The following LRMDA variants were observed in gnomAD, a reference collection of about 807,000 sequenced individuals.
LRMDA encodes leucine rich melanocyte differentiation associated.
LRMDA carries 18 observed loss-of-function variants against 29.8 expected under a neutral mutation model. The observed-to-expected ratio is 0.60, with a 90% CI of 0.42 to 0.90. LRMDA has a LOEUF of 0.90. Ranked by LOEUF, LRMDA falls within the 40% of genes least tolerant of loss-of-function variation. LRMDA has a pLI of 0.00. For missense variants in LRMDA, 273 were observed against 273.9 expected (o/e 1.00, Z 0.02); for synonymous variants, 125 against 109.4 (o/e 1.14, Z -0.89).
At chr10:76,122,730 A>AG (rs1564658598) in intron 5 of LRMDA, among the ~76,000 whole-genome samples, 2 of 152,142 alleles carry the variant, frequency 1.3e-5, no homozygotes, top group Admixed American at 1.3e-4. Context: ...AAAATGAGGG[A>AG]TGGAGATGAA....
chr10:76,013,183 G>T (rs1847815107), intron 2 of LRMDA, among the ~76,000 whole-genome samples: 1 of 152,168 alleles, frequency 6.6e-6, no homozygotes, highest in Admixed American at 6.5e-5. Flanking sequence ...AAAGGAGTGA[G>T]GGGGGTGGTA....
At chr10:76,006,633 A>G (rs1035494884) in intron 2 of LRMDA, among the ~76,000 whole-genome samples, 1 of 152,198 alleles carries the variant, frequency 6.6e-6, no homozygotes, top group African/African-American at 2.4e-5. Context: ...TCGAAAGGCC[A>G]AAACCTGAAT....
intron 2 of LRMDA, among the ~76,000 whole-genome samples, chr10:75,445,296 TG>T (rs1345823401): frequency 1.7e-4 from 26 of 151,926 alleles, no homozygotes; most frequent in Non-Finnish European, 1.5e-5. Flanking sequence ...ACATTTAGTT[TG>T]TTTTTTTTTT....
chr10:75,502,620 G>C (rs1006877430), intron 2 of LRMDA, among the ~76,000 whole-genome samples: 14 of 152,282 alleles, frequency 9.2e-5, no homozygotes, highest in African/African-American at 3.4e-4. Flanking sequence ...CTCAGGGCCT[G>C]GTTGGCCCTT....
intron 2 of LRMDA, among the ~76,000 whole-genome samples, chr10:75,553,744 G>C (rs1335710881): frequency 6.6e-6 from 1 of 152,070 alleles, no homozygotes; most frequent in Admixed American, 6.5e-5. Flanking sequence ...TTCCTCCTTA[G>C]TGGCTTATGA....
chr10:76,316,025 TCA>T (rs753752575), intron 5 of LRMDA, among the ~76,000 whole-genome samples: 13 of 152,128 alleles, frequency 8.5e-5, no homozygotes, highest in Non-Finnish European at 1.9e-4. Flanking sequence ...TCCACGTACC[TCA>T]TTCTTCCTGG....
intron 5 of LRMDA, among the ~76,000 whole-genome samples, chr10:76,311,715 A>G (rs1031240176): frequency 6.6e-6 from 1 of 152,180 alleles, no homozygotes; most frequent in Non-Finnish European, 1.5e-5. Context: ...TAAGCCTGCA[A>G]AGATCAGGCC....
chr10:76,088,504 G>A (rs1318655751), intron 5 of LRMDA, among the ~76,000 whole-genome samples: 2 of 152,198 alleles, frequency 1.3e-5, no homozygotes, highest in Non-Finnish European at 2.9e-5. Context: ...AAGGCCCCAA[G>A]GGAAAGAAAT....
At chr10:75,471,640 A>G (rs1325949925) in intron 2 of LRMDA, among the ~76,000 whole-genome samples, 2 of 152,212 alleles carry the variant, frequency 1.3e-5, no homozygotes, top group Non-Finnish European at 2.9e-5. Context: ...TATCAAAAGC[A>G]TTTCACTGTG....
At chr10:75,579,296 C>G (rs58067406) in intron 2 of LRMDA, among the ~76,000 whole-genome samples, 10 of 152,212 alleles carry the variant, frequency 6.6e-5, no homozygotes, top group African/African-American at 2.4e-4. Flanking sequence ...ACAAACACCT[C>G]TATGCAAATA....
intron 6 of LRMDA, among the ~76,000 whole-genome samples, chr10:76,373,395 TA>T (rs1393849273): frequency 2.0e-5 from 3 of 152,108 alleles, no homozygotes; most frequent in Admixed American, 1.3e-4. Flanking sequence ...GATAAGATTA[TA>T]ATAATATTTA....
intron 5 of LRMDA, among the ~76,000 whole-genome samples, chr10:76,277,875 A>G (rs1840155593): frequency 1.3e-5 from 2 of 152,150 alleles, no homozygotes; most frequent in Admixed American, 6.5e-5. Context: ...CTCTCATCTG[A>G]CATTCTGTTA....
chr10:75,951,986 T>A (rs568500203), intron 2 of LRMDA, among the ~76,000 whole-genome samples: 30 of 152,300 alleles, frequency 2.0e-4, no homozygotes, highest in African/African-American at 6.5e-4. Context: ...TTTAATAAAA[T>A]GCAGTATGTC....
intron 2 of LRMDA, among the ~76,000 whole-genome samples, chr10:75,557,774 C>T (rs893930750): frequency 2.6e-5 from 4 of 152,172 alleles, no homozygotes; most frequent in Non-Finnish European, 5.9e-5. Flanking sequence ...CCTCTGTTTT[C>T]GCTAAGCTCT....
chr10:76,383,959 A>G (rs79158312), intron 6 of LRMDA, among the ~76,000 whole-genome samples: 1 of 147,506 alleles, frequency 6.8e-6, no homozygotes, highest in East Asian at 2.0e-4. Flanking sequence ...GATACCTGCC[A>G]TTTTTTTTTC....
Position 76,010,457 on chromosome 10 carries a change from C to T in LRMDA, c.132-25551C>T, listed in dbSNP as rs534593427. 7.9e-5 allele frequency among the ~76,000 whole-genome samples: 12 copies of T among 152,076 alleles called. No homozygotes were observed. In the South Asian group the frequency reaches 2.1e-3, roughly 26 times the overall value. On this transcript the variant is annotated intron_variant, in intron 2 of 6. Coordinates refer to ENST00000611255, the MANE Select transcript of LRMDA (RefSeq NM_001305581.2). ...CCTCCTGAGTAGCTGGGACTACAGG[C>T]GCTCACTACCATGCCTGGCTAATTT... is the stretch of plus-strand genomic sequence containing the variant.
chr10:75,551,984 A>G (rs897191180), intron 2 of LRMDA, among the ~76,000 whole-genome samples: 4 of 152,128 alleles, frequency 2.6e-5, no homozygotes, highest in African/African-American at 9.7e-5. Flanking sequence ...TCAAGGATTC[A>G]GTGAGCTGTG....
intron 6 of LRMDA, among the ~76,000 whole-genome samples, chr10:76,476,939 T>A (rs992774524): frequency 4.7e-4 from 71 of 152,006 alleles, no homozygotes; most frequent in Non-Finnish European, 9.3e-4. Context: ...CCCACAGCCA[T>A]TATCATACTG....
rs750915481 is a variant in LRMDA at position 75,735,897 on chromosome 10, A to AT, written c.131+297411dup. 1.6e-3 allele frequency among the ~76,000 whole-genome samples: 236 copies of AT among 152,170 alleles called. 1 individual carries two copies. The highest frequency in any genetic ancestry group is 3.4e-3 in the Middle Eastern group (1 of 294). ...GTCAGACACACACTGTTACTTATAA[A>AT]TTTTTTTTACATCTTTCCACGGTAA... is the stretch of plus-strand genomic sequence containing the variant. On this transcript the variant is annotated intron_variant, in intron 2 of 6. Coordinates refer to ENST00000611255, the MANE Select transcript of LRMDA (RefSeq NM_001305581.2).
Sources: allele counts gnomAD v4.1 joint callset (sites outside exome capture counted in the v4.1 genomes callset), GRCh38; gene constraint gnomAD v4.1.1; transcripts MANE v1.5; gene names NCBI Gene and HGNC (gene_info 2026-07-23, HGNC 2026-07-21).